The following STAB2 variants were observed in gnomAD, a reference collection of about 807,000 sequenced individuals.
STAB2 encodes the protein stabilin-2.
A neutral mutation model predicts 338.1 loss-of-function variants in STAB2; 288 were observed. The ratio of observed to expected loss-of-function variants is 0.85; its 90% CI spans 0.77 to 0.94. The LOEUF is 0.94. Ranked by LOEUF, STAB2 falls within the 40% of genes least tolerant of loss-of-function variation. The probability of loss-of-function intolerance (pLI) is 0.00; values close to 1 mark genes in which losing one functional copy is unlikely to be tolerated. For synonymous variants in STAB2, 1,202 were observed against 1,193.3 expected (o/e 1.01, Z -0.15); for missense variants, 3,141 against 3,210.1 (o/e 0.98, Z 0.52).
At chr12:103,701,340 A>C (rs1878853001) in intron 34 of STAB2, among the ~76,000 whole-genome samples, 1 of 152,190 alleles carries the variant, frequency 6.6e-6, no homozygotes, top group South Asian at 2.1e-4. Flanking sequence ...TTAGAGCAGC[A>C]TGATTTATAG....
At chr12:103,703,044 G>T (rs568405298) in intron 34 of STAB2, 104 bp from the exon 35 acceptor site, 5 of 1,285,880 alleles carry the variant, frequency 3.9e-6, no homozygotes, top group African/African-American at 1.5e-5. Context: ...GGTGAATATT[G>T]TAATATCTCC....
In STAB2 at chr12:103,759,041, G is replaced by A. The variant is rs911494829; in HGVS notation, c.7108-92G>A. ...ATGGAGGCAGGAAAGCCTAGGCCAT[G>A]AGAAGCAATTTTCTTCGTCATCCCC... On this transcript the variant is annotated intron_variant, in intron 64 of 68. Transcript: ENST00000388887. The A allele has an allele frequency of 1.4e-5, 23 of 1,604,036 alleles. No homozygotes were observed. The African/African-American group carries it at 2.4e-4, about 17-fold the overall frequency.
intron 5 of STAB2, among the ~76,000 whole-genome samples, chr12:103,631,030 GT>G (rs1277931995): frequency 1.3e-5 from 2 of 152,180 alleles, no homozygotes; most frequent in Non-Finnish European, 2.9e-5. Flanking sequence ...AAACTAAAGA[GT>G]TGACCATTCA....
chr12:103,648,268 G>C (rs1458554007), intron 9 of STAB2, among the ~76,000 whole-genome samples: 1 of 152,182 alleles, frequency 6.6e-6, no homozygotes, highest in African/African-American at 2.4e-5. Context: ...GGTGGGGGAA[G>C]CATTCTAAGT....
chr12:103,650,020 T>C (rs994943241), intron 10 of STAB2, among the ~76,000 whole-genome samples: 2 of 152,148 alleles, frequency 1.3e-5, no homozygotes, highest in Non-Finnish European at 2.9e-5. Flanking sequence ...CTGGGCCCAC[T>C]GGAAAGTGAA....
chr12:103,758,463 G>C, intron 64 of STAB2, among the ~76,000 whole-genome samples, 174 bp downstream of exon 64: 1 of 152,242 alleles, frequency 6.6e-6, no homozygotes, highest in East Asian at 1.9e-4. Context: ...TCTGAGACCA[G>C]CTGTCAGCTG....
chr12:103,699,645 G>C (rs566998036), intron 34 of STAB2, among the ~76,000 whole-genome samples: 1 of 152,136 alleles, frequency 6.6e-6, no homozygotes. Flanking sequence ...GATGAGATTT[G>C]GGTGTGGGCA....
At chr12:103,651,486 A>G (rs578041208) in intron 11 of STAB2, among the ~76,000 whole-genome samples, 171 of 150,942 alleles carry the variant, frequency 1.1e-3, no homozygotes, top group African/African-American at 4.1e-3. Flanking sequence ...GCTAATGTTG[A>G]TATTTTTAGT....
intron 3 of STAB2, among the ~76,000 whole-genome samples, chr12:103,594,727 T>C (rs1253677096): frequency 6.6e-6 from 1 of 152,210 alleles, no homozygotes; most frequent in African/African-American, 2.4e-5. Context: ...AAGAATTCCC[T>C]TATAAGCCAG....
intron 39 of STAB2, 139 bp from the exon 40 acceptor site, chr12:103,711,332 G>T: frequency 8.9e-7 from 1 of 1,118,304 alleles, no homozygotes; most frequent in South Asian, 1.6e-5. Flanking sequence ...AAAAAGGATT[G>T]ACATGACCTC....
At chr12:103,708,678 G>T in intron 39 of STAB2, 142 bp downstream of exon 39, 2 of 748,818 alleles carry the variant, frequency 2.7e-6, no homozygotes, top group South Asian at 2.1e-5. Context: ...CAAAAAGTTT[G>T]TAAAATAAAG....
chr12:103,593,820 C>T (rs974176306), intron 2 of STAB2, among the ~76,000 whole-genome samples: 1 of 152,196 alleles, frequency 6.6e-6, no homozygotes, highest in African/African-American at 2.4e-5. Context: ...TGTTTAACCT[C>T]CATAGAATTG....
At chr12:103,638,295 C>A (rs529089691) in intron 8 of STAB2, 83 bp downstream of exon 8, 2 of 1,426,838 alleles carry the variant, frequency 1.4e-6, no homozygotes, top group East Asian at 2.4e-5. Flanking sequence ...TCTTCTATGC[C>A]ATCCCAATTC....
In STAB2 at chr12:103,590,922, T is replaced by G; in HGVS notation, c.107T>G (p.Leu36Arg). The G allele has an allele frequency of 6.2e-7, 1 of 1,614,164 alleles. No individual in the cohort carries two copies. The highest frequency in any genetic ancestry group is 8.5e-7 in the Non-Finnish European group (1 of 1,180,024). The change falls in exon 2 of 69, where the codon CTT (leucine) becomes CGT (arginine). Residue 36 changes from leucine (L) to arginine (R), a missense_variant. By Grantham distance (102) the Leu-to-Arg change is moderately radical. Coordinates refer to ENST00000388887, the MANE Select transcript of STAB2 (RefSeq NM_017564.10). ...GQARRCDRKS[L>R]LTIRTECRSC... is the part of the protein sequence containing the mutation. ...GCAAGAAGATGTGATAGGAAGTCTC[T>G]TCTTACAATTAGGACCGAGTGCCGA...
At position 103,728,868 on chromosome 12, in the gene STAB2, A is replaced by G; in HGVS notation, c.4955A>G (p.Tyr1652Cys). 1 of 1,613,986 alleles carries G rather than the reference A, an allele frequency of 6.2e-7. No homozygotes were observed. Among genetic ancestry groups the G allele is most frequent in the Non-Finnish European group, 8.5e-7 (1 of 1,179,872 alleles). The change falls in exon 48 of 69, where the codon TAC becomes TGC. Residue 1652 changes from tyrosine to cysteine, a missense_variant. Transcript: ENST00000388887. ...EEARVKDWDK[Y>C]GLMPQVLRYH... The stretch of plus-strand genomic sequence containing the variant: ...TTACAGGTTAAAGACTGGGACAAAT[A>G]CGGTTTAATGCCCCAGGTTCTTCGG...
At chr12:103,631,405 C>T (rs1439057089) in intron 5 of STAB2, among the ~76,000 whole-genome samples, 193 bp from the exon 6 acceptor site, 2 of 151,048 alleles carry the variant, frequency 1.3e-5, no homozygotes, top group African/African-American at 4.9e-5. Flanking sequence ...CTATAGAAAT[C>T]CCAGGAAGTA....
Position 103,648,826 on chromosome 12 carries a change from A to G in STAB2, c.1174+3A>G, listed in dbSNP as rs764832816. 13 of 1,613,460 alleles carry G rather than the reference A, an allele frequency of 8.1e-6. No individual in the cohort carries two copies. In the East Asian group the frequency reaches 2.7e-4, roughly 33 times the overall value. ...GACCTCTTTCATCTCACTCCTAGGT[A>G]CGCAGCTATGGGTACAGATTTCCAC... On this transcript the variant is annotated splice_donor_region_variant and intron_variant, in intron 10 of 68. Transcript: ENST00000388887.
intron 27 of STAB2, 68 bp from the exon 28 acceptor site, chr12:103,688,100 A>G (rs1178572833): frequency 6.7e-7 from 1 of 1,489,328 alleles, no homozygotes; most frequent in African/African-American, 1.4e-5. Context: ...CTGTGATTGC[A>G]CTTCTCATTG....
chr12:103,667,543 A>AT (rs980031709), intron 19 of STAB2, among the ~76,000 whole-genome samples: 2 of 152,190 alleles, frequency 1.3e-5, no homozygotes, highest in Non-Finnish European at 2.9e-5. Flanking sequence ...AAGAGAAGGA[A>AT]GAGGGAAAAG....
Sources: allele counts gnomAD v4.1 joint callset (sites outside exome capture counted in the v4.1 genomes callset), GRCh38; gene constraint gnomAD v4.1.1; transcripts MANE v1.5; gene names NCBI Gene and HGNC (gene_info 2026-07-23, HGNC 2026-07-21).